The following BEGAIN variants were observed in gnomAD, a reference collection of about 807,000 sequenced individuals.
BEGAIN encodes the protein brain-enriched guanylate kinase-associated protein.
In BEGAIN, 19 loss-of-function variants were observed where a neutral mutation model predicts 35.8. That is an observed-to-expected ratio of 0.53 (90% CI 0.37 to 0.78). BEGAIN has a LOEUF of 0.78. Ranked by LOEUF, BEGAIN falls within the 30% of genes least tolerant of loss-of-function variation. The pLI is 0.00. For missense variants in BEGAIN, 795 were observed against 853.6 expected, an observed-to-expected ratio of 0.93 and a Z score of 0.85; for synonymous variants, 462 against 388.6, an observed-to-expected ratio of 1.19 and a Z score of -2.22.
intron 2 of BEGAIN, among the ~76,000 whole-genome samples, chr14:100,562,707 G>T (rs548688287): frequency 2.0e-5 from 3 of 152,216 alleles, no homozygotes; most frequent in African/African-American, 7.2e-5. Flanking sequence ...TGGACCTCCT[G>T]GTGCCTTGAC....
chr14:100,539,365 A>C (rs1413190825), intron 6 of BEGAIN, 50 bp from the exon 7 acceptor site: 1 of 1,505,138 alleles, frequency 6.6e-7, no homozygotes, highest in Non-Finnish European at 8.8e-7. Context: ...CACTGTTAGC[A>C]TGGCAGCCCA....
chr14:100,546,795 C>T, intron 2 of BEGAIN, 133 bp from the exon 3 acceptor site: 1 of 629,814 alleles, frequency 1.6e-6, no homozygotes, highest in South Asian at 2.4e-5. Context: ...CACACACACA[C>T]ACACACACAC....
intron 2 of BEGAIN, among the ~76,000 whole-genome samples, chr14:100,564,857 C>T (rs1302292515): frequency 6.6e-6 from 1 of 152,082 alleles, no homozygotes; most frequent in Non-Finnish European, 1.5e-5. Context: ...CACTGACCTC[C>T]ACTCCCCACC....
At position 100,538,758 on chromosome 14, in the gene BEGAIN, G is replaced by A. The variant is rs780325160; in HGVS notation, c.1050C>T (p.Asp350=). The A allele has an allele frequency of 3.2e-6, 5 of 1,578,816 alleles. No homozygotes were observed. Among genetic ancestry groups the A allele is most frequent in the South Asian group, 2.3e-5 (2 of 86,704 alleles). Residue 350 remains aspartate, a synonymous_variant, in exon 7 of 7, where the codon GAC becomes GAT. Transcript: ENST00000554140. ...CGGGTGGCTTGCGGTCGAAGAGCTC[G>A]TCGCGGCTGTTCAGGTAGATGGCCT... is the stretch of plus-strand genomic sequence containing the variant. ...SQQAIYLNSR[D]ELFDRKPPAT...
rs1283483438 is a variant in BEGAIN, at chr14:100,568,830, C to T, written c.43-891G>A. 3 of 983,062 alleles carry T rather than the reference C, an allele frequency of 3.1e-6. No individual in the cohort carries two copies. Among genetic ancestry groups the T allele is most frequent in the Non-Finnish European group, 3.6e-6 (3 of 827,768 alleles). 60.9% of individuals were successfully genotyped at this position (983,062 alleles called of 1,614,324 possible). Reference sequence around the variant, plus strand: ...GAGAGGCCGCTCCCCGGGGCTTTGCCCGTCTTTCTGTGCCGTGACTGGCAC... The same window carrying T: ...GAGAGGCCGCTCCCCGGGGCTTTGCTCGTCTTTCTGTGCCGTGACTGGCAC... On this transcript the variant is annotated intron_variant, in intron 1 of 6. Transcript: ENST00000554140. The surrounding 1 kb of genome is among the most constrained non-coding windows in gnomAD (Gnocchi z 7.5).
chr14:100,539,390 G>C, intron 6 of BEGAIN, 75 bp from the exon 7 acceptor site: 1 of 1,491,020 alleles, frequency 6.7e-7, no homozygotes, highest in Non-Finnish European at 8.9e-7. Context: ...TGGCCCTGAA[G>C]CTGAGGACTG....
intron 1 of BEGAIN, among the ~76,000 whole-genome samples, chr14:100,570,178 T>C (rs1396110929): frequency 1.3e-5 from 2 of 152,236 alleles, no homozygotes; most frequent in Non-Finnish European, 2.9e-5. Flanking sequence ...AATAAGAATG[T>C]ATTAAAATTT....
rs1324350191 is a variant in BEGAIN at position 100,568,550 on chromosome 14, G to T, written c.43-611C>A. 7 of 1,276,806 alleles carry T rather than the reference G, an allele frequency of 5.5e-6. No individual in the cohort carries two copies. Among genetic ancestry groups the T allele is most frequent in the Non-Finnish European group, 6.1e-6 (6 of 981,004 alleles). The allele number at this position is 1,276,806 out of a possible 1,614,324, so 79.1% of individuals were successfully genotyped here. A position where few individuals can be genotyped will look rare whatever the true frequency, so the allele number is the denominator to read the frequency against. On this transcript the variant is annotated intron_variant, in intron 1 of 6. Coordinates refer to ENST00000554140, the MANE Select transcript of BEGAIN (RefSeq NM_001385089.1). The surrounding 1 kb of genome is among the most constrained non-coding windows in gnomAD (Gnocchi z 7.5). ...TGGCTTGCCCCTCCCGGGCCCCAGG[G>T]ATTAACCCGTGAGCGCCCGGCTCGC...
chr14:100,568,634 C>G lies in BEGAIN; in HGVS notation c.43-695G>C. ...GCCCGCGCGCGGCTTGGAGACCCTC[C>G]CTGCCCAGCCCCGCTCAGCCGGGCA... On this transcript the variant is annotated intron_variant, in intron 1 of 6. Coordinates refer to ENST00000554140, the MANE Select transcript of BEGAIN (RefSeq NM_001385089.1). The surrounding 1 kb of genome is among the most constrained non-coding windows in gnomAD (Gnocchi z 7.5). 1 of 692,898 alleles carries G rather than the reference C, an allele frequency of 1.4e-6. No individual in the cohort carries two copies. 42.9% of individuals were successfully genotyped at this position (692,898 alleles called of 1,614,324 possible).
intron 1 of BEGAIN, chr14:100,569,008 G>A (rs2139728751): frequency 4.4e-6 from 4 of 914,634 alleles, no homozygotes; most frequent in Non-Finnish European, 3.9e-6. Context: ...CTCCCCCACC[G>A]CCCCGCCGGG....
At chr14:100,576,371 G>C (rs2035202784) in intron 1 of BEGAIN, among the ~76,000 whole-genome samples, 1 of 152,154 alleles carries the variant, frequency 6.6e-6, no homozygotes. Flanking sequence ...CATGCACTGG[G>C]GACATAATGA....
At chr14:100,584,549 T>G (rs2035392982) in intron 1 of BEGAIN, among the ~76,000 whole-genome samples, 1 of 152,206 alleles carries the variant, frequency 6.6e-6, no homozygotes, top group Non-Finnish European at 1.5e-5. Context: ...GCATGTTAGG[T>G]GAGTGTAGAA....
intron 2 of BEGAIN, among the ~76,000 whole-genome samples, chr14:100,552,066 T>G (rs914569955): frequency 1.1e-4 from 17 of 151,984 alleles, no homozygotes; most frequent in Non-Finnish European, 2.1e-4. Context: ...CCCATGGGCC[T>G]CCTCCTCCCA....
chr14:100,566,968 C>T (rs1265121890), intron 2 of BEGAIN, among the ~76,000 whole-genome samples: 1 of 152,174 alleles, frequency 6.6e-6, no homozygotes, highest in East Asian at 1.9e-4. Context: ...GGCCCCTCTG[C>T]CCTAGACCTG....
At chr14:100,546,911 A>C in intron 2 of BEGAIN, 1 of 378,590 alleles carries the variant, frequency 2.6e-6, no homozygotes, top group South Asian at 6.1e-5. Context: ...GGTTCCTCAG[A>C]CTCCACCAGT....
Position 100,568,956 on chromosome 14 carries a change from C to G in BEGAIN, c.43-1017G>C. Reference sequence around the variant, plus strand: ...CTCGCGCCGGGCGCCGCCGCCGCGTCCGCCGGGAGCGCGCTCCGCTCGGGT... The same window carrying G: ...CTCGCGCCGGGCGCCGCCGCCGCGTGCGCCGGGAGCGCGCTCCGCTCGGGT... On this transcript the variant is annotated intron_variant, in intron 1 of 6. Transcript: ENST00000554140. This position sits in a 1 kb window ranked among gnomAD's most constrained non-coding sequence, Gnocchi z 7.5. 1.0e-6 allele frequency: 1 copy of G among 983,356 alleles called. No individual in the cohort carries two copies. The highest frequency in any genetic ancestry group is 1.2e-6 in the Non-Finnish European group (1 of 829,258). 60.9% of individuals were successfully genotyped at this position (983,356 alleles called of 1,614,324 possible). A position where few individuals can be genotyped will look rare whatever the true frequency, so the allele number is the denominator to read the frequency against.
intron 2 of BEGAIN, among the ~76,000 whole-genome samples, chr14:100,551,991 A>G (rs1198967721): frequency 6.6e-6 from 1 of 152,154 alleles, no homozygotes; most frequent in African/African-American, 2.4e-5. Context: ...ACAGGATGGG[A>G]TGAGTGCGTT....
At chr14:100,546,773 C>T (rs1028699974) in intron 2 of BEGAIN, 111 bp from the exon 3 acceptor site, 5 of 747,926 alleles carry the variant, frequency 6.7e-6, no homozygotes, top group Non-Finnish European at 7.5e-6. Flanking sequence ...GGCGCGCGCG[C>T]GCGCGCGCAC....
chr14:100,556,018 T>G (rs759450735), intron 2 of BEGAIN, among the ~76,000 whole-genome samples: 4 of 152,114 alleles, frequency 2.6e-5, no homozygotes, highest in Non-Finnish European at 5.9e-5. Flanking sequence ...CCTATGTGTA[T>G]GTAGTGAGGG....
Sources: gnomAD v4.1 joint callset for allele counts (sites outside exome capture counted in the v4.1 genomes callset) on GRCh38, gnomAD v4.1.1 for gene constraint, Gnocchi (gnomAD v3.1) non-coding constraint, MANE v1.5 for transcripts, NCBI Gene and HGNC (gene_info 2026-07-23, HGNC 2026-07-21) for gene names.